Variants in GANAB observed in about 807,000 individuals in gnomAD.
GANAB encodes neutral alpha-glucosidase AB.
Under a neutral mutation model 129.9 loss-of-function variants are expected in GANAB, and 35 were observed. The ratio of observed to expected loss-of-function variants is 0.27; its 90% CI spans 0.21 to 0.36. The LOEUF (loss-of-function observed/expected upper bound fraction) is 0.36. Among genes scored for constraint, GANAB ranks in the 10% least tolerant of loss-of-function variants. The pLI is 1.00. For missense variants in GANAB, 939 were observed against 1,221.0 expected (o/e 0.77, Z 3.44); for synonymous variants, 482 against 451.8 (o/e 1.07, Z -0.85).
At chr11:62,633,145 G>C (rs748530098) in intron 7 of GANAB, 39 bp downstream of exon 7, 13 of 1,601,190 alleles carry the variant, frequency 8.1e-6, no homozygotes, top group South Asian at 3.3e-5. Context: ...GCTTGGAAAG[G>C]AGCCCTGCAC....
In GANAB at chr11:62,628,875, G is replaced by A; in HGVS notation, c.2074C>T (p.Gln692Ter). The change falls in exon 17 of 24, where the codon CAG (glutamine) becomes TAG (stop). Residue 692 changes from glutamine (Q) to a stop codon, truncating the protein, a stop_gained. Transcript: ENST00000356638. LOFTEE classifies it high-confidence loss of function. ...GRREPWLLPS[Q>*]HNDIIRDALG... ...GCATCTCGGATTATATCATTGTGCTGAGATGGTAACAGCCATGGCTCTCGT... is the reference window on the plus strand; with the variant it reads ...GCATCTCGGATTATATCATTGTGCTAAGATGGTAACAGCCATGGCTCTCGT... 6.2e-7 allele frequency: 1 copy of A among 1,614,186 alleles called. No homozygotes were observed. The highest frequency in any genetic ancestry group is 2.2e-5 in the East Asian group (1 of 44,870).
chr11:62,630,357 C>T, intron 12 of GANAB, 22 bp downstream of exon 12: 1 of 1,614,118 alleles, frequency 6.2e-7, no homozygotes, highest in Non-Finnish European at 8.5e-7. Flanking sequence ...ATCAACTCTC[C>T]CTCAATTCTG....
rs1372469799 is a variant in GANAB at position 62,632,516 on chromosome 11, A to G, written c.996+49T>C. ...GCCCCTAGTATACCTATTTGCCTCA[A>G]GGCCTGGAAGCTTCACTCCCTCCTT... is the stretch of plus-strand genomic sequence containing the variant. On this transcript the variant is annotated intron_variant, in intron 9 of 23. Transcript: ENST00000356638. 2.0e-6 allele frequency: 3 copies of G among 1,467,956 alleles called. No individual in the cohort carries two copies. The Admixed American group carries it at 5.1e-5, about 25-fold the overall frequency. The allele number at this position is 1,467,956 out of a possible 1,614,324, so 90.9% of individuals were successfully genotyped here.
chr11:62,633,439 A>G lies in GANAB; in HGVS notation c.630+6T>C. ...ATCCTCCAACCACCCACCCGCTCCA[A>G]CTTGCCTTGTCGCCATCCCTGGGTG... On this transcript the variant is annotated splice_donor_region_variant and intron_variant, in intron 6 of 23. Coordinates refer to ENST00000356638, the MANE Select transcript of GANAB (RefSeq NM_198334.3). The G allele has an allele frequency of 6.2e-7, 1 of 1,613,528 alleles. No individual in the cohort carries two copies. The highest frequency in any genetic ancestry group is 8.5e-7 in the Non-Finnish European group (1 of 1,179,822).
chr11:62,634,925 T>C lies in GANAB; in HGVS notation c.456A>G (p.Thr152=). The C allele has an allele frequency of 6.2e-7, 1 of 1,613,720 alleles. No individual in the cohort carries two copies. Among genetic ancestry groups the C allele is most frequent in the Middle Eastern group, 1.6e-4 (1 of 6,062 alleles). ...GTAGGTCAAGGCGGAATGGCCGTGC[T>C]GTCAAGATGATCTTGTAGGGTCCCT... The part of the protein sequence containing the change: ...MAEGPYKIIL[T]ARPFRLDLLE... The change falls in exon 5 of 24, where the codon ACA becomes ACG. Residue 152 remains threonine (T), a synonymous_variant. Transcript: ENST00000356638.
chr11:62,643,996 G>A (rs141820672), intron 1 of GANAB, among the ~76,000 whole-genome samples: 107 of 152,304 alleles, frequency 7.0e-4, no homozygotes, highest in African/African-American at 2.5e-3. Context: ...CCATGCTGGA[G>A]TGCAATGGCA....
chr11:62,645,888 G>C (rs1250135318), intron 1 of GANAB, among the ~76,000 whole-genome samples: 1 of 152,186 alleles, frequency 6.6e-6, no homozygotes, highest in African/African-American at 2.4e-5. Flanking sequence ...AACATTTGTG[G>C]CACTGGTGAT....
In GANAB at chr11:62,634,387, G is replaced by A. The variant is rs750728621; in HGVS notation, c.560+434C>T. 3.1e-6 allele frequency: 5 copies of A among 1,587,966 alleles called. No homozygotes were observed. The South Asian group carries it at 5.5e-5, about 18-fold the overall frequency. ...CCTTATCCGAGAAACTGGGGCAGGA[G>A]GAGATGGGTAGGGAAGGGGAAAAAG... On this transcript the variant is annotated intron_variant, in intron 5 of 23. Transcript: ENST00000356638.
At chr11:62,640,098 G>T (rs1007538716) in intron 1 of GANAB, 1 of 177,882 alleles carries the variant, frequency 5.6e-6, no homozygotes, top group Non-Finnish European at 1.2e-5. Flanking sequence ...TTAGCTGGGC[G>T]TGGTGGCGGC....
chr11:62,634,402 A>C, intron 5 of GANAB: 1 of 1,509,906 alleles, frequency 6.6e-7, no homozygotes, highest in Non-Finnish European at 9.2e-7. Context: ...TGGGTAGGGA[A>C]GGGGAAAAAG....
chr11:62,640,533 CA>C (rs61299912), intron 1 of GANAB, among the ~76,000 whole-genome samples: 27 of 86,616 alleles, frequency 3.1e-4, no homozygotes, highest in African/African-American at 5.1e-4. Context: ...ACTCCATCTC[CA>C]AAAAAAAAAA....
At chr11:62,642,301 C>T (rs1231386060) in intron 1 of GANAB, among the ~76,000 whole-genome samples, 1 of 152,104 alleles carries the variant, frequency 6.6e-6, no homozygotes, top group Non-Finnish European at 1.5e-5. Context: ...GCAGTCCTCC[C>T]ATCTTGGCCT....
rs752158933 is a variant in GANAB at position 62,639,457 on chromosome 11, TTC to T, written c.152_153del (p.Arg51LysfsTer21). 2.5e-6 allele frequency: 4 copies of T among 1,612,832 alleles called. No homozygotes were observed. The highest frequency in any genetic ancestry group is 3.4e-6 in the Non-Finnish European group (4 of 1,179,004). On this transcript the variant is annotated frameshift_variant, in exon 3 of 24. Coordinates refer to ENST00000356638, the MANE Select transcript of GANAB (RefSeq NM_198334.3). LOFTEE classifies it high-confidence loss of function. Reference sequence around the variant, plus strand: ...TATGGAGAGAGGCCTGGCCGTATGCTTCTCTGTCGCCTGCCAAGTGAAGGGTT... The same window carrying T: ...TATGGAGAGAGGCCTGGCCGTATGCTTCTGTCGCCTGCCAAGTGAAGGGTT... ...CEESSFCKRQ[R>X]SIRPGLSPYR...
intron 8 of GANAB, 96 bp downstream of exon 8, chr11:62,632,909 T>G: frequency 1.0e-6 from 1 of 989,370 alleles, no homozygotes; most frequent in Non-Finnish European, 1.6e-6. Flanking sequence ...AAATGACCCA[T>G]GCTTGCCTAG....
chr11:62,631,071 G>T lies in GANAB; in HGVS notation c.1109C>A (p.Pro370His). ...GIIDVFLLLG[P>H]SISDVFRQYA... ...TTGCCGGAAAACATCAGAGATGGAGGGCCCCAGCAGCAGGAAGACGTCAAT... is the reference window on the plus strand; with the variant it reads ...TTGCCGGAAAACATCAGAGATGGAGTGCCCCAGCAGCAGGAAGACGTCAAT... The change falls in exon 10 of 24, where the codon CCC becomes CAC. Residue 370 changes from proline (P) to histidine (H), a missense_variant. By Grantham distance (77) the Pro-to-His change is moderately conservative. Transcript: ENST00000356638. 1 of 1,610,868 alleles carries T rather than the reference G, an allele frequency of 6.2e-7. No individual in the cohort carries two copies. The highest frequency in any genetic ancestry group is 8.5e-7 in the Non-Finnish European group (1 of 1,177,248).
chr11:62,637,687 T>C (rs909492435), intron 4 of GANAB, among the ~76,000 whole-genome samples: 4 of 151,866 alleles, frequency 2.6e-5, no homozygotes, highest in Non-Finnish European at 2.9e-5. Context: ...TATGCAGCAG[T>C]AAAAATGAAT....
In GANAB at chr11:62,625,798, C is replaced by G; in HGVS notation, c.*17G>C. 6.6e-7 allele frequency: 1 copy of G among 1,504,494 alleles called. No individual in the cohort carries two copies. Among genetic ancestry groups the G allele is most frequent in the Non-Finnish European group, 9.3e-7 (1 of 1,080,872 alleles). The allele number at this position is 1,504,494 out of a possible 1,614,324, so 93.2% of individuals were successfully genotyped here. ...AATGCTCCCCTTCCCTCCCCCTAAC[C>G]CAGAACATCCCTTGGGTTATCGCAG... On this transcript the variant is annotated 3_prime_UTR_variant, in exon 24 of 24. Transcript: ENST00000356638.
In GANAB at chr11:62,634,282, G is replaced by C. The variant is rs775463450; in HGVS notation, c.560+539C>G. ...AGGAATGGGTAAGGGCAGAGGAACA[G>C]ATACAGTACCGGTGGCCATGGATTT... is the stretch of plus-strand genomic sequence containing the variant. On this transcript the variant is annotated intron_variant, in intron 5 of 23. Coordinates refer to ENST00000356638, the MANE Select transcript of GANAB (RefSeq NM_198334.3). 4.1e-6 allele frequency: 6 copies of C among 1,471,426 alleles called. No homozygotes were observed. The South Asian group carries it at 5.7e-5, about 14-fold the overall frequency. 91.1% of individuals were successfully genotyped at this position (1,471,426 alleles called of 1,614,324 possible). A position where few individuals can be genotyped will look rare whatever the true frequency, so the allele number is the denominator to read the frequency against.
At chr11:62,633,871 C>T (rs1157466370) in intron 5 of GANAB, 5 of 418,716 alleles carry the variant, frequency 1.2e-5, no homozygotes, top group Admixed American at 8.0e-5. Flanking sequence ...AAGTGCTCTC[C>T]CTGGGCCTCA....
Sources: allele counts gnomAD v4.1 joint callset (sites outside exome capture counted in the v4.1 genomes callset), GRCh38; gene constraint gnomAD v4.1.1; transcripts MANE v1.5; gene names NCBI Gene and HGNC (gene_info 2026-07-23, HGNC 2026-07-21).